Variants in CDH20 observed in about 807,000 individuals in gnomAD.
CDH20 encodes cadherin 20.
In CDH20, 29 loss-of-function variants were observed where a neutral mutation model predicts 74.2. The observed-to-expected ratio is 0.39, with a 90% confidence interval of 0.29 to 0.53. The LOEUF (loss-of-function observed/expected upper bound fraction) is 0.53, where lower values mean the gene tolerates loss of function less well. Ranked by LOEUF, CDH20 falls within the 20% of genes least tolerant of loss-of-function variation. The probability of loss-of-function intolerance (pLI) is 0.69; values close to 1 mark genes in which losing one functional copy is unlikely to be tolerated. For synonymous variants in CDH20, 469 were observed against 405.4 expected (o/e 1.16, Z -1.88); for missense variants, 988 against 1,048.3 (o/e 0.94, Z 0.79).
At chr18:61,448,272 T>C (rs952995728) in intron 1 of CDH20, among the ~76,000 whole-genome samples, 1 of 152,210 alleles carries the variant, frequency 6.6e-6, no homozygotes, top group Admixed American at 6.5e-5. Context: ...TTACAGCATG[T>C]ATGGGAATAA....
At chr18:61,483,439 T>C (rs1377530196) in intron 1 of CDH20, among the ~76,000 whole-genome samples, 1 of 152,166 alleles carries the variant, frequency 6.6e-6, no homozygotes, top group African/African-American at 2.4e-5. Context: ...AAACAAAACA[T>C]TTTTGTGGAA....
intron 1 of CDH20, among the ~76,000 whole-genome samples, chr18:61,478,220 T>A (rs977710503): frequency 6.8e-4 from 102 of 150,836 alleles, no homozygotes; most frequent in African/African-American, 2.4e-3. Flanking sequence ...AAAAGTAAAA[T>A]GTTTTTCATA....
At chr18:61,372,094 A>G (rs182424863) in intron 1 of CDH20, among the ~76,000 whole-genome samples, 15 of 152,242 alleles carry the variant, frequency 9.9e-5, no homozygotes, top group Admixed American at 4.6e-4. Flanking sequence ...CACTCACACA[A>G]TATGTGTGTA....
chr18:61,542,795 A>G (rs631008), intron 9 of CDH20, among the ~76,000 whole-genome samples: 152,267 of 152,288 alleles, frequency 1, 76,123 homozygotes, highest in Non-Finnish European at 1. Context: ...GAAGGAAGCC[A>G]ACATGTGCAG....
At chr18:61,521,823 C>G (rs977695254) in intron 6 of CDH20, among the ~76,000 whole-genome samples, 3 of 152,104 alleles carry the variant, frequency 2.0e-5, no homozygotes, top group Non-Finnish European at 4.4e-5. Flanking sequence ...TGACAAAAAC[C>G]ACATGATTAT....
At chr18:61,345,942 T>A (rs1319649249) in intron 1 of CDH20, among the ~76,000 whole-genome samples, 1 of 152,106 alleles carries the variant, frequency 6.6e-6, no homozygotes, top group African/African-American at 2.4e-5. Flanking sequence ...ACCAGACGGA[T>A]CCTATGAGCA....
intron 1 of CDH20, among the ~76,000 whole-genome samples, chr18:61,441,212 A>G (rs1909021379): frequency 6.6e-6 from 1 of 152,064 alleles, no homozygotes; most frequent in Non-Finnish European, 1.5e-5. Flanking sequence ...CTTAAAATTC[A>G]CCACCTCAAT....
chr18:61,428,755 T>C (rs1397456498), intron 1 of CDH20, among the ~76,000 whole-genome samples: 4 of 152,184 alleles, frequency 2.6e-5, no homozygotes, highest in Admixed American at 2.6e-4. Context: ...TGAAACAGAC[T>C]TTTCCCTCTG....
chr18:61,555,361 C>T lies in CDH20; in HGVS notation c.*666C>T. 1 of 985,486 alleles carries T rather than the reference C, an allele frequency of 1.0e-6. No homozygotes were observed. The highest frequency in any genetic ancestry group is 1.7e-5 in the African/African-American group (1 of 57,368). The allele number at this position is 985,486 out of a possible 1,614,324, so 61.0% of individuals were successfully genotyped here. On this transcript the variant is annotated 3_prime_UTR_variant, in exon 12 of 12. Transcript: ENST00000262717. ...GCTGAACCAAGAGATGTTGGCATTA[C>T]AGCTCATCCAACGCCATCAAGTTAG...
At chr18:61,523,555 A>C (rs886630138) in intron 6 of CDH20, among the ~76,000 whole-genome samples, 1 of 152,174 alleles carries the variant, frequency 6.6e-6, no homozygotes, top group African/African-American at 2.4e-5. Context: ...ATGACCCAGC[A>C]ATCCCATTAC....
chr18:61,520,339 AG>A (rs1912162573), intron 6 of CDH20, among the ~76,000 whole-genome samples: 1 of 144,098 alleles, frequency 6.9e-6, no homozygotes, highest in Non-Finnish European at 1.5e-5. Context: ...AAAAAGACAA[AG>A]AAGGGCATTA....
At chr18:61,380,092 G>A (rs1297192122) in intron 1 of CDH20, among the ~76,000 whole-genome samples, 1 of 152,168 alleles carries the variant, frequency 6.6e-6, no homozygotes, top group South Asian at 2.1e-4. Flanking sequence ...GAGTTGCTGC[G>A]ACTGTGGGTT....
At chr18:61,535,187 G>T (rs1378234001) in intron 7 of CDH20, among the ~76,000 whole-genome samples, 1 of 151,750 alleles carries the variant, frequency 6.6e-6, no homozygotes, top group Non-Finnish European at 1.5e-5. Context: ...ATGGTGGCAG[G>T]CACCTGTAAT....
chr18:61,346,569 G>C (rs1910120855), intron 1 of CDH20, among the ~76,000 whole-genome samples: 1 of 152,074 alleles, frequency 6.6e-6, no homozygotes, highest in African/African-American at 2.4e-5. Flanking sequence ...GAATTTTCAA[G>C]GAACACGAAA....
At chr18:61,483,491 G>A (rs1910659750) in intron 1 of CDH20, among the ~76,000 whole-genome samples, 1 of 152,126 alleles carries the variant, frequency 6.6e-6, no homozygotes, top group African/African-American at 2.4e-5. Context: ...TAAATTACTT[G>A]ACACAGCCTG....
intron 1 of CDH20, among the ~76,000 whole-genome samples, chr18:61,438,711 C>A: frequency 6.6e-6 from 1 of 152,066 alleles, no homozygotes; most frequent in East Asian, 1.9e-4. Flanking sequence ...TCTCAAAGAA[C>A]TTAAAACAGA....
intron 1 of CDH20, among the ~76,000 whole-genome samples, chr18:61,368,709 C>T (rs899405070): frequency 5.3e-5 from 8 of 151,658 alleles, no homozygotes; most frequent in South Asian, 4.2e-4. Flanking sequence ...AGTAAAAGTA[C>T]ACTATTTAAT....
Position 61,490,521 on chromosome 18 carries a change from T to C in CDH20, c.-33T>C. On this transcript the variant is annotated 5_prime_UTR_variant, in exon 2 of 12. Transcript: ENST00000262717. ...ATACTCAAGTTCCAGTTGCTTATCATTCTCCTTCATTTTCTGAAAACCTGG... is the reference window on the plus strand; with the variant it reads ...ATACTCAAGTTCCAGTTGCTTATCACTCTCCTTCATTTTCTGAAAACCTGG... 6.2e-7 allele frequency: 1 copy of C among 1,602,526 alleles called. No homozygotes were observed.
chr18:61,402,358 T>C (rs1402455444), intron 1 of CDH20, among the ~76,000 whole-genome samples: 3 of 152,058 alleles, frequency 2.0e-5, no homozygotes, highest in Admixed American at 6.6e-5. Context: ...AACTTCCAAA[T>C]ATAGGACAAC....
Sources: allele counts gnomAD v4.1 joint callset (sites outside exome capture counted in the v4.1 genomes callset), GRCh38; gene constraint gnomAD v4.1.1; transcripts MANE v1.5; gene names NCBI Gene and HGNC (gene_info 2026-07-23, HGNC 2026-07-21).